The following KLHL24 variants were observed in gnomAD, a reference collection of about 807,000 sequenced individuals.
The protein encoded by KLHL24 is kelch-like protein 24.
In KLHL24, 29 loss-of-function variants were observed where a neutral mutation model predicts 53.4. That is an observed-to-expected ratio of 0.54 (90% CI 0.40 to 0.74). The LOEUF (loss-of-function observed/expected upper bound fraction) is 0.74. KLHL24 is among the 30% of genes least tolerant of loss of function. The probability of loss-of-function intolerance (pLI) is 0.00; values close to 1 mark genes in which losing one functional copy is unlikely to be tolerated. For missense variants in KLHL24, 504 were observed against 744.0 expected, an observed-to-expected ratio of 0.68 and a Z score of 3.75; for synonymous variants, 222 against 253.7, an observed-to-expected ratio of 0.88 and a Z score of 1.19.
At position 183,671,053 on chromosome 3, in the gene KLHL24, A is replaced by AT; in HGVS notation, c.1245dup (p.Asp416Ter). 2 of 1,613,610 alleles carry AT rather than the reference A, an allele frequency of 1.2e-6. No individual in the cohort carries two copies. Among genetic ancestry groups the AT allele is most frequent in the Non-Finnish European group, 1.7e-6 (2 of 1,179,612 alleles). ...ATATAGGTATATGTTGTCGGTGGCT[A>AT]TGATGGGCAAAACAGACTTAGCAGC... On this transcript the variant is annotated frameshift_variant, in exon 6 of 8. Coordinates refer to ENST00000242810, the MANE Select transcript of KLHL24 (RefSeq NM_017644.3). LOFTEE classifies it high-confidence loss of function.
chr3:183,659,291 A>G (rs970327424), intron 3 of KLHL24, among the ~76,000 whole-genome samples: 2 of 152,078 alleles, frequency 1.3e-5, no homozygotes, highest in East Asian at 3.9e-4. Flanking sequence ...AATCCCAGCA[A>G]TTTGGGAGGC....
At position 183,680,163 on chromosome 3, in the gene KLHL24, C is replaced by CCCAACTACTCAGCAGTACAGT. The variant is rs1455536269; in HGVS notation, c.*877_*878insCCAACTACTCAGCAGTACAGT. The CCCAACTACTCAGCAGTACAGT allele has an allele frequency of 6.6e-6, 1 of 152,222 alleles. No homozygotes were observed. Among genetic ancestry groups the CCCAACTACTCAGCAGTACAGT allele is most frequent in the African/African-American group, 2.4e-5 (1 of 41,436 alleles). The allele number at this position is 152,222 out of a possible 1,614,324, so 9.4% of individuals were successfully genotyped here. A position where few individuals can be genotyped will look rare whatever the true frequency, so the allele number is the denominator to read the frequency against. ...GGACAGACAGCCAGGTACAGAGACT[C>CCCAACTACTCAGCAGTACAGT]ACACCTGTACTCCCAACTACTCAGC... On this transcript the variant is annotated 3_prime_UTR_variant, in exon 8 of 8. Coordinates refer to ENST00000242810, the MANE Select transcript of KLHL24 (RefSeq NM_017644.3).
intron 7 of KLHL24, among the ~76,000 whole-genome samples, chr3:183,673,560 A>G (rs945543882): frequency 6.6e-6 from 1 of 152,086 alleles, no homozygotes; most frequent in Non-Finnish European, 1.5e-5. Flanking sequence ...TCTTTCATCC[A>G]TGTATTCTAA....
Position 183,679,492 on chromosome 3 carries a change from G to A in KLHL24, c.*206G>A, listed in dbSNP as rs1053859224. The stretch of plus-strand genomic sequence containing the variant: ...TGAAAAAAAAAACTTTTTTGTTAAA[G>A]GTAATGGTGGTTGTTACTTGGCCTT... On this transcript the variant is annotated 3_prime_UTR_variant, in exon 8 of 8. Transcript: ENST00000242810. 1 of 525,660 alleles carries A rather than the reference G, an allele frequency of 1.9e-6. No individual in the cohort carries two copies. The allele number at this position is 525,660 out of a possible 1,614,324, so 32.6% of individuals were successfully genotyped here. A position where few individuals can be genotyped will look rare whatever the true frequency, so the allele number is the denominator to read the frequency against.
chr3:183,662,222 A>G (rs1433498640), intron 3 of KLHL24, among the ~76,000 whole-genome samples: 1 of 152,162 alleles, frequency 6.6e-6, no homozygotes, highest in Non-Finnish European at 1.5e-5. Context: ...TAACGGAAAA[A>G]GTATGCCTGG....
chr3:183,642,772 T>A (rs975147861), intron 1 of KLHL24: 3 of 152,132 alleles, frequency 2.0e-5, no homozygotes, highest in Non-Finnish European at 4.4e-5. Flanking sequence ...GGCCCCAAAC[T>A]TGGATGAAAC....
At chr3:183,654,188 C>G (rs1718529942) in intron 3 of KLHL24, among the ~76,000 whole-genome samples, 1 of 152,188 alleles carries the variant, frequency 6.6e-6, no homozygotes, top group Non-Finnish European at 1.5e-5. Flanking sequence ...CCTTATCCAT[C>G]TTGAAATACC....
At chr3:183,657,212 T>A (rs574962567) in intron 3 of KLHL24, among the ~76,000 whole-genome samples, 21 of 152,238 alleles carry the variant, frequency 1.4e-4, no homozygotes, top group African/African-American at 4.8e-4. Context: ...AAAATGAGGT[T>A]CCCAAGAGGA....
chr3:183,650,788 C>G lies in KLHL24; in HGVS notation c.432C>G (p.Ser144Arg). ...ENVQYLFETS[S>R]LFQISVLRDA... Reference sequence around the variant, plus strand: ...TACAGTATCTCTTTGAGACATCAAGCCTCTTTCAGATTAGTGTTCTCCGTG... The same window carrying G: ...TACAGTATCTCTTTGAGACATCAAGGCTCTTTCAGATTAGTGTTCTCCGTG... Residue 144 changes from serine to arginine, a missense_variant, in exon 3 of 8, where the codon AGC becomes AGG. Physicochemically the swap from Ser to Arg is moderately radical, Grantham distance 110. Transcript: ENST00000242810. This position sits in a 1 kb window ranked among gnomAD's most constrained non-coding sequence, Gnocchi z 4.5. 6.2e-7 allele frequency: 1 copy of G among 1,613,890 alleles called. No homozygotes were observed. The highest frequency in any genetic ancestry group is 8.5e-7 in the Non-Finnish European group (1 of 1,179,880).
chr3:183,647,058 G>A (rs1226442017), intron 2 of KLHL24, among the ~76,000 whole-genome samples: 2 of 144,930 alleles, frequency 1.4e-5, no homozygotes, highest in South Asian at 2.2e-4. Flanking sequence ...TGATCCACCC[G>A]CCTCGGTCTT....
At chr3:183,670,423 G>A (rs988909530) in intron 5 of KLHL24, among the ~76,000 whole-genome samples, 1 of 152,124 alleles carries the variant, frequency 6.6e-6, no homozygotes, top group African/African-American at 2.4e-5. Flanking sequence ...ATACTAATTT[G>A]CCCTACCTTT....
chr3:183,648,014 G>A (rs1274464420), intron 2 of KLHL24, among the ~76,000 whole-genome samples: 1 of 151,976 alleles, frequency 6.6e-6, no homozygotes, highest in Admixed American at 6.6e-5. Context: ...TCTCAAAAAA[G>A]CAAAAACAAA....
chr3:183,668,448 C>T (rs1424347433), intron 5 of KLHL24, among the ~76,000 whole-genome samples: 1 of 152,092 alleles, frequency 6.6e-6, no homozygotes, highest in Non-Finnish European at 1.5e-5. Flanking sequence ...TCATGGAAGT[C>T]ATTTTGCTAA....
At chr3:183,655,575 G>A (rs565439426) in intron 3 of KLHL24, among the ~76,000 whole-genome samples, 1 of 152,234 alleles carries the variant, frequency 6.6e-6, no homozygotes, top group East Asian at 1.9e-4. Context: ...GTTACAGTGA[G>A]CCATGAGCAG....
intron 3 of KLHL24, among the ~76,000 whole-genome samples, chr3:183,655,675 A>G (rs1405250281): frequency 1.3e-5 from 2 of 152,134 alleles, no homozygotes; most frequent in East Asian, 3.9e-4. Context: ...CTGTAATCTC[A>G]GCACTTTGGG....
At chr3:183,646,657 G>A in intron 2 of KLHL24, among the ~76,000 whole-genome samples, 2 of 152,126 alleles carry the variant, frequency 1.3e-5, no homozygotes. Context: ...CTATCACCTA[G>A]GCTTCAGGAA....
intron 3 of KLHL24, among the ~76,000 whole-genome samples, chr3:183,660,795 C>G (rs912911863): frequency 1.3e-5 from 2 of 151,996 alleles, no homozygotes; most frequent in African/African-American, 2.4e-5. Flanking sequence ...CCGCAGCTCA[C>G]GCCTGTAATA....
chr3:183,673,361 G>A (rs1400065167), intron 7 of KLHL24, among the ~76,000 whole-genome samples: 1 of 151,502 alleles, frequency 6.6e-6, no homozygotes, highest in East Asian at 1.9e-4. Flanking sequence ...CCATCCCATG[G>A]AGAAGTATCT....
chr3:183,654,439 A>G (rs1324313181), intron 3 of KLHL24, among the ~76,000 whole-genome samples: 2 of 151,652 alleles, frequency 1.3e-5, no homozygotes, highest in Non-Finnish European at 2.9e-5. Context: ...TCATTCATTC[A>G]TTTATATTTC....
Sources: gnomAD v4.1 joint callset for allele counts (sites outside exome capture counted in the v4.1 genomes callset) on GRCh38, gnomAD v4.1.1 for gene constraint, Gnocchi (gnomAD v3.1) non-coding constraint, MANE v1.5 for transcripts, NCBI Gene and HGNC (gene_info 2026-07-23, HGNC 2026-07-21) for gene names.